Variants in OLFM2 observed in about 807,000 individuals in gnomAD.
OLFM2 encodes the protein noelin-2.
Under a neutral mutation model 43.9 loss-of-function variants are expected in OLFM2, and 20 were observed. That is an observed-to-expected ratio of 0.46 (90% confidence interval 0.32 to 0.66). The LOEUF is 0.66. OLFM2 is among the 30% of genes least tolerant of loss of function. The probability of loss-of-function intolerance (pLI) is 0.04; values close to 1 mark genes in which losing one functional copy is unlikely to be tolerated. For synonymous variants in OLFM2, 268 were observed against 278.6 expected, an observed-to-expected ratio of 0.96 and a Z score of 0.38; for missense variants, 416 against 643.6, an observed-to-expected ratio of 0.65 and a Z score of 3.83.
intron 1 of OLFM2, among the ~76,000 whole-genome samples, chr19:9,869,943 A>G (rs956179663): frequency 6.6e-6 from 1 of 151,162 alleles, no homozygotes; most frequent in African/African-American, 2.4e-5. Context: ...ATTTTTGTAG[A>G]GACAGGATCT....
chr19:9,889,574 A>G lies in OLFM2; in HGVS notation c.64-28780T>C, dbSNP rs117593654. 2.3e-3 allele frequency among the ~76,000 whole-genome samples: 347 copies of G among 152,298 alleles called. 1 individual carries two copies. The highest frequency in any genetic ancestry group is 2.7e-3 in the South Asian group (13 of 4,832). The stretch of plus-strand genomic sequence containing the variant: ...CCAACTGTGTGTTTTGTGCAGATGC[A>G]GTGTGAGTGGCTGCATCAGCCCGAA... On this transcript the variant is annotated intron_variant, in intron 1 of 5. Coordinates refer to ENST00000264833, the MANE Select transcript of OLFM2 (RefSeq NM_058164.4).
chr19:9,882,584 A>G (rs2046548652), intron 1 of OLFM2, among the ~76,000 whole-genome samples: 1 of 151,436 alleles, frequency 6.6e-6, no homozygotes, highest in Admixed American at 6.6e-5. Context: ...GGAAACACAC[A>G]ATTCAGCCCA....
intron 1 of OLFM2, among the ~76,000 whole-genome samples, chr19:9,926,941 C>T (rs1478852441): frequency 2.6e-5 from 4 of 152,024 alleles, no homozygotes; most frequent in South Asian, 2.1e-4. Flanking sequence ...GCTGTGATCG[C>T]GTCACTGCAC....
Position 9,924,833 on chromosome 19 carries a change from C to CT in OLFM2, c.63+11470dup, listed in dbSNP as rs556682565. ...CAGAAGCTTCATTCAGGCATCAGAT[C>CT]TAGTGCTATTGGCCGGGAGTTCAAT... On this transcript the variant is annotated intron_variant, in intron 1 of 5. Coordinates refer to ENST00000264833, the MANE Select transcript of OLFM2 (RefSeq NM_058164.4). Among the ~76,000 whole-genome samples, 5 of 151,656 alleles carry CT rather than the reference C, an allele frequency of 3.3e-5. No individual in the cohort carries two copies. In the East Asian group the frequency reaches 9.7e-4, roughly 29 times the overall value.
intron 1 of OLFM2, among the ~76,000 whole-genome samples, chr19:9,916,971 G>T (rs890723351): frequency 6.6e-6 from 1 of 151,970 alleles, no homozygotes; most frequent in South Asian, 2.1e-4. Flanking sequence ...CTGTGCCGTC[G>T]CTGTCTCCTG....
chr19:9,895,355 G>A (rs1001616907), intron 1 of OLFM2, among the ~76,000 whole-genome samples: 1 of 151,986 alleles, frequency 6.6e-6, no homozygotes, highest in Admixed American at 6.6e-5. Context: ...AATTAGCGGG[G>A]TGTGGTGGCA....
At chr19:9,929,158 C>T (rs1485963576) in intron 1 of OLFM2, among the ~76,000 whole-genome samples, 2 of 152,170 alleles carry the variant, frequency 1.3e-5, no homozygotes, top group South Asian at 2.1e-4. Flanking sequence ...CCTGTCATGA[C>T]AAGTTTTTTC....
At chr19:9,935,901 G>A (rs920498120) in intron 1 of OLFM2, among the ~76,000 whole-genome samples, 10 of 152,182 alleles carry the variant, frequency 6.6e-5, no homozygotes, top group Non-Finnish European at 1.5e-4. Flanking sequence ...GGGGGCTGCA[G>A]GCGAGGAGTG....
chr19:9,880,345 C>T (rs773163043), intron 1 of OLFM2, among the ~76,000 whole-genome samples: 3 of 152,216 alleles, frequency 2.0e-5, no homozygotes, highest in Non-Finnish European at 4.4e-5. Context: ...GGGGTCACTA[C>T]TGTCCAGGAG....
At chr19:9,922,902 C>A (rs10422695) in intron 1 of OLFM2, among the ~76,000 whole-genome samples, 22,700 of 146,330 alleles carry the variant, frequency 0.16, 5,172 homozygotes, top group African/African-American at 0.51. Flanking sequence ...CAGAGTGAGA[C>A]CCTGTCTCAA....
At position 9,854,832 on chromosome 19, in the gene OLFM2, C is replaced by T. The variant is rs554951359; in HGVS notation, c.719G>A (p.Arg240His). ...CAGGGTACGGAACTCCAGGACCCGG[C>T]GGCCTTTGTAATAGCCATCCATGTA... is the stretch of plus-strand genomic sequence containing the variant. Reference protein sequence around the residue: ...VWYMDGYYKGRRVLEFRTLGD... With the variant: ...VWYMDGYYKGHRVLEFRTLGD... The change falls in exon 6 of 6, where the codon CGC becomes CAC. Residue 240 changes from arginine (R) to histidine (H), a missense_variant. Physicochemically the swap from Arg to His is conservative, Grantham distance 29. Transcript: ENST00000264833. The surrounding 1 kb of genome is among the most constrained non-coding windows in gnomAD (Gnocchi z 9.5). The T allele has an allele frequency of 1.6e-5, 25 of 1,599,652 alleles. 1 individual carries two copies. The highest frequency in any genetic ancestry group is 1.2e-4 in the South Asian group (11 of 89,728).
chr19:9,872,608 C>T (rs2046451569), intron 1 of OLFM2, among the ~76,000 whole-genome samples: 1 of 152,086 alleles, frequency 6.6e-6, no homozygotes, highest in Admixed American at 6.6e-5. Context: ...TGGGGTTTTG[C>T]CTGGAAGAGC....
At chr19:9,885,170 A>G (rs2046575709) in intron 1 of OLFM2, among the ~76,000 whole-genome samples, 1 of 152,194 alleles carries the variant, frequency 6.6e-6, no homozygotes, top group Non-Finnish European at 1.5e-5. Context: ...CACTTTCCCC[A>G]CCTGCAAAAT....
intron 1 of OLFM2, among the ~76,000 whole-genome samples, chr19:9,884,555 G>T (rs2046569616): frequency 6.6e-6 from 1 of 152,122 alleles, no homozygotes; most frequent in Non-Finnish European, 1.5e-5. Context: ...CCAGCCCCAG[G>T]TCTATGGGAC....
At chr19:9,861,069 C>T (rs931410625) in intron 1 of OLFM2, among the ~76,000 whole-genome samples, 15 of 152,052 alleles carry the variant, frequency 9.9e-5, no homozygotes, top group Non-Finnish European at 1.6e-4. Context: ...CAGATTTGCA[C>T]GCACACAACA....
At chr19:9,930,747 G>A (rs1214588189) in intron 1 of OLFM2, among the ~76,000 whole-genome samples, 2 of 151,556 alleles carry the variant, frequency 1.3e-5, no homozygotes, top group East Asian at 1.9e-4. Flanking sequence ...CCAGCTACTC[G>A]AGAGGCTGAG....
At chr19:9,897,130 A>C (rs1599487081) in intron 1 of OLFM2, among the ~76,000 whole-genome samples, 1 of 152,212 alleles carries the variant, frequency 6.6e-6, no homozygotes. Context: ...GGAGTTCAAG[A>C]CCAGCCTGGC....
chr19:9,864,047 G>A (rs973122121), intron 1 of OLFM2, among the ~76,000 whole-genome samples: 5 of 152,298 alleles, frequency 3.3e-5, no homozygotes. Flanking sequence ...CCCAGGATTG[G>A]CCACAGCCAA....
intron 1 of OLFM2, among the ~76,000 whole-genome samples, chr19:9,880,092 G>C (rs959396008): frequency 6.6e-6 from 1 of 151,994 alleles, no homozygotes; most frequent in Admixed American, 6.6e-5. Flanking sequence ...TTAAACTGTT[G>C]AGCTCAAGTG....
Sources: gnomAD v4.1 joint callset for allele counts (sites outside exome capture counted in the v4.1 genomes callset) on GRCh38, gnomAD v4.1.1 for gene constraint, Gnocchi (gnomAD v3.1) non-coding constraint, MANE v1.5 for transcripts, NCBI Gene and HGNC (gene_info 2026-07-23, HGNC 2026-07-21) for gene names.